Variants in PTPA observed in about 807,000 individuals in gnomAD.
The protein encoded by PTPA is protein phosphatase 2 phosphatase activator.
A neutral mutation model predicts 43.6 loss-of-function variants in PTPA; 13 were observed. The observed-to-expected ratio is 0.30, with a 90% CI of 0.19 to 0.47. The LOEUF (loss-of-function observed/expected upper bound fraction) is 0.47. PTPA is among the 20% of genes least tolerant of loss of function. The probability of loss-of-function intolerance (pLI) is 0.99; values close to 1 mark genes in which losing one functional copy is unlikely to be tolerated. For synonymous variants in PTPA, 172 were observed against 158.2 expected (o/e 1.09, Z -0.66); for missense variants, 329 against 411.9 (o/e 0.80, Z 1.74).
chr9:129,126,148 CAAAA>C (rs1489727453), intron 3 of PTPA, among the ~76,000 whole-genome samples: 1 of 149,390 alleles, frequency 6.7e-6, no homozygotes, highest in African/African-American at 2.5e-5. Flanking sequence ...GACTTCGTCT[CAAAA>C]AGAAAAAAAA....
chr9:129,138,403 G>C (rs1230876030), intron 8 of PTPA, among the ~76,000 whole-genome samples: 1 of 152,182 alleles, frequency 6.6e-6, no homozygotes, highest in Non-Finnish European at 1.5e-5. Flanking sequence ...TAGGGGACAA[G>C]AGCCAGGAAC....
rs971073962 is a variant in PTPA, at chr9:129,117,539, G to A, written c.32-2974G>A. On this transcript the variant is annotated intron_variant, in intron 1 of 9. Transcript: ENST00000393370. ...CTGCCTCAGCCTCCCGAGTAGCTGG[G>A]ATTACAGGTGTGCGCCACCATGCCT... is the stretch of plus-strand genomic sequence containing the variant. 2.6e-5 allele frequency among the ~76,000 whole-genome samples: 4 copies of A among 152,142 alleles called. No homozygotes were observed. The East Asian group carries it at 7.7e-4, about 29-fold the overall frequency.
Position 129,123,130 on chromosome 9 carries a change from G to T in PTPA, c.208G>T (p.Val70Phe), listed in dbSNP as rs1251265049. ...GAAGAAGCTGACCTTCGAGTACAGA[G>T]TCTCCGAGGTAGGCCCAAGGAGGAG... ...KGKKLTFEYR[V>F]SEAIEKLVAL... The change falls in exon 3 of 10, where the codon GTC becomes TTC. Residue 70 changes from valine to phenylalanine, a missense_variant. Val to Phe is a conservative substitution (Grantham distance 50). Coordinates refer to ENST00000393370, the MANE Select transcript of PTPA (RefSeq NM_178000.3). 5.0e-6 allele frequency: 8 copies of T among 1,608,354 alleles called. No individual in the cohort carries two copies. In the South Asian group the frequency reaches 7.7e-5, roughly 15 times the overall value.
At chr9:129,126,933 C>T (rs1849618061) in intron 3 of PTPA, among the ~76,000 whole-genome samples, 1 of 152,172 alleles carries the variant, frequency 6.6e-6, no homozygotes, top group African/African-American at 2.4e-5. Flanking sequence ...AGTGCCTCGC[C>T]TAAGACTGAG....
intron 9 of PTPA, among the ~76,000 whole-genome samples, chr9:129,145,133 C>T (rs1354159333): frequency 6.6e-6 from 1 of 152,178 alleles, no homozygotes; most frequent in East Asian, 1.9e-4. Flanking sequence ...GAGTTCATGA[C>T]CAGCCTGGCC....
intron 5 of PTPA, among the ~76,000 whole-genome samples, chr9:129,134,593 C>G (rs1850228062): frequency 2.0e-5 from 3 of 152,152 alleles, no homozygotes; most frequent in African/African-American, 7.2e-5. Context: ...CATGAGCCAC[C>G]ATGCACGGCC....
At chr9:129,137,756 T>G in intron 8 of PTPA, 64 bp downstream of exon 8, 1 of 1,418,664 alleles carries the variant, frequency 7.0e-7, no homozygotes, top group Non-Finnish European at 9.8e-7. Context: ...CCAAGGCTGG[T>G]GGCCTTACAG....
At chr9:129,120,450 A>AGT (rs1849178384) in intron 1 of PTPA, 63 bp from the exon 2 acceptor site, 7 of 941,376 alleles carry the variant, frequency 7.4e-6, no homozygotes, top group South Asian at 1.5e-5. Flanking sequence ...GGTGAAAGGG[A>AGT]GTGTGTGTGT....
chr9:129,142,816 C>T (rs1295679886), intron 9 of PTPA: 1 of 1,534,758 alleles, frequency 6.5e-7, no homozygotes, highest in Non-Finnish European at 8.7e-7. Context: ...AGGCAAGGAC[C>T]TGCTGCATGG....
At chr9:129,140,764 G>C (rs1850740270) in intron 8 of PTPA, among the ~76,000 whole-genome samples, 1 of 149,300 alleles carries the variant, frequency 6.7e-6, no homozygotes, top group African/African-American at 2.5e-5. Context: ...TGTGCACAGG[G>C]CTGGAGCCTG....
At chr9:129,142,359 T>A in intron 8 of PTPA, 86 bp from the exon 9 acceptor site, 1 of 1,184,546 alleles carries the variant, frequency 8.4e-7, no homozygotes, top group Non-Finnish European at 1.2e-6. Context: ...TGTGTGTGCA[T>A]GCATGGGTGT....
At chr9:129,142,075 A>C (rs895971964) in intron 8 of PTPA, 6 of 188,528 alleles carry the variant, frequency 3.2e-5, no homozygotes, top group East Asian at 2.6e-4. Context: ...ACGACACCAG[A>C]AGCTCAGGTG....
At chr9:129,142,144 T>A in intron 8 of PTPA, 1 of 309,208 alleles carries the variant, frequency 3.2e-6, no homozygotes, top group Non-Finnish European at 5.9e-6. Flanking sequence ...AGGCCCCCTT[T>A]TTTTGGCTGT....
At chr9:129,144,476 C>T (rs555880748) in intron 9 of PTPA, among the ~76,000 whole-genome samples, 159 of 151,614 alleles carry the variant, frequency 1.0e-3, no homozygotes, top group Non-Finnish European at 2.0e-3. Flanking sequence ...TGGTGGCTCA[C>T]GCCTGTAATC....
At chr9:129,142,840 TGGG>T (rs1346013153) in intron 9 of PTPA, 3 of 1,532,332 alleles carry the variant, frequency 2.0e-6, no homozygotes, top group Non-Finnish European at 8.7e-7. Context: ...GTGGGGGCGA[TGGG>T]GGCCTCCCTT....
intron 6 of PTPA, 150 bp from the exon 7 acceptor site, chr9:129,136,321 T>G (rs1850364832): frequency 2.1e-6 from 2 of 937,862 alleles, no homozygotes; most frequent in Non-Finnish European, 3.0e-6. Context: ...TGAGTGTTTG[T>G]TGGGGGAAAT....
upstream of PTPA, chr9:129,111,332 C>T (rs1177341975): frequency 4.2e-6 from 5 of 1,178,128 alleles, no homozygotes; most frequent in African/African-American, 6.4e-5. Context: ...GCCCCGCGCG[C>T]CCCGCACTGA....
At position 129,127,340 on chromosome 9, in the gene PTPA, G is replaced by T. The variant is rs540738389; in HGVS notation, c.217-1645G>T. ...ATACATAGCTCTTGGCTGAGTCTTT[G>T]CACATGGCAGGCCTGGTCTGCCTTG... On this transcript the variant is annotated intron_variant, in intron 3 of 9. Coordinates refer to ENST00000393370, the MANE Select transcript of PTPA (RefSeq NM_178000.3). Among the ~76,000 whole-genome samples, 24 of 152,304 alleles carry T rather than the reference G, an allele frequency of 1.6e-4. No individual in the cohort carries two copies. In the South Asian group the frequency reaches 2.9e-3, roughly 18 times the overall value.
intron 4 of PTPA, 26 bp from the exon 5 acceptor site, chr9:129,131,496 C>A: frequency 6.2e-7 from 1 of 1,605,564 alleles, no homozygotes; most frequent in Non-Finnish European, 8.5e-7. Context: ...TATGCTGCCA[C>A]CACTTTGTGT....
Sources: allele counts gnomAD v4.1 joint callset (sites outside exome capture counted in the v4.1 genomes callset), GRCh38; gene constraint gnomAD v4.1.1; transcripts MANE v1.5; gene names NCBI Gene and HGNC (gene_info 2026-07-23, HGNC 2026-07-21).